PCDHGA11: variants seen among roughly 807,000 people sequenced by gnomAD.
The protein encoded by PCDHGA11 is protocadherin gamma-A11.
PCDHGA11 carries 39 observed loss-of-function variants against 60.4 expected under a neutral mutation model. The ratio of observed to expected loss-of-function variants is 0.65; its 90% CI spans 0.50 to 0.84. The LOEUF is 0.84. PCDHGA11 is among the 40% of genes least tolerant of loss of function. PCDHGA11 has a pLI of 0.00. For missense variants in PCDHGA11, 1,165 were observed against 1,197.7 expected (o/e 0.97, Z 0.40); for synonymous variants, 533 against 510.3 (o/e 1.04, Z -0.60).
At chr5:141,451,315 T>A (rs2154563546) in intron 1 of PCDHGA11, among the ~76,000 whole-genome samples, 1 of 152,330 alleles carries the variant, frequency 6.6e-6, no homozygotes, top group South Asian at 2.1e-4. Context: ...GCAATTAAAG[T>A]GTCACCTAAG....
Position 141,423,666 on chromosome 5 carries a change from AT to A in PCDHGA11, c.2433+9del, listed in dbSNP as rs1184681047. 2.7e-6 allele frequency: 4 copies of A among 1,494,382 alleles called. No individual in the cohort carries two copies. The South Asian group carries it at 5.0e-5, about 19-fold the overall frequency. The allele number at this position is 1,494,382 out of a possible 1,614,324, so 92.6% of individuals were successfully genotyped here. A position where few individuals can be genotyped will look rare whatever the true frequency, so the allele number is the denominator to read the frequency against. ...GTGACCCGACAAGTAATCAGGTGAGATTTATTTCTCTGCCTCCTAATTGTTG... is the reference window on the plus strand; with the variant it reads ...GTGACCCGACAAGTAATCAGGTGAGATTATTTCTCTGCCTCCTAATTGTTG... On this transcript the variant is annotated splice_region_variant and intron_variant, in intron 1 of 3. Coordinates refer to ENST00000398587, the MANE Select transcript of PCDHGA11 (RefSeq NM_018914.3).
rs562011010 is a variant in PCDHGA11, at chr5:141,427,600, G to A, written c.2433+3940G>A. On this transcript the variant is annotated intron_variant, in intron 1 of 3. Coordinates refer to ENST00000398587, the MANE Select transcript of PCDHGA11 (RefSeq NM_018914.3). ...TCATCCAGCACAAGCCTCACCCTAC[G>A]CATTGGTGAAGTCAACGACAATGCT... The A allele has an allele frequency of 6.7e-5, 46 of 683,296 alleles. 1 individual carries two copies. The East Asian group carries it at 1.2e-3, about 18-fold the overall frequency. 42.3% of individuals were successfully genotyped at this position (683,296 alleles called of 1,614,324 possible). A position where few individuals can be genotyped will look rare whatever the true frequency, so the allele number is the denominator to read the frequency against.
At chr5:141,482,089 CAA>C (rs36035257) in intron 1 of PCDHGA11, among the ~76,000 whole-genome samples, 9,071 of 134,384 alleles carry the variant, frequency 0.068, 318 homozygotes, top group South Asian at 0.13. Context: ...CACTCCATCT[CAA>C]AAAAAAAAAA....
chr5:141,485,827 G>A lies in PCDHGA11; in HGVS notation c.2434-8980G>A. 1 of 1,614,154 alleles carries A rather than the reference G, an allele frequency of 6.2e-7. No individual in the cohort carries two copies. The highest frequency in any genetic ancestry group is 1.1e-5 in the South Asian group (1 of 91,080). On this transcript the variant is annotated intron_variant, in intron 1 of 3. Coordinates refer to ENST00000398587, the MANE Select transcript of PCDHGA11 (RefSeq NM_018914.3). The surrounding 1 kb of genome is among the most constrained non-coding windows in gnomAD (Gnocchi z 5.7). Reference sequence around the variant, plus strand: ...TGGTGCTGACTGCTGTCGATGGAGGGAACCCGCCGAGATCTGGCACCGCAG... The same window carrying A: ...TGGTGCTGACTGCTGTCGATGGAGGAAACCCGCCGAGATCTGGCACCGCAG...
chr5:141,430,805 C>T (rs1445689047), intron 1 of PCDHGA11: 2 of 1,525,722 alleles, frequency 1.3e-6, no homozygotes, highest in Admixed American at 2.3e-5. Flanking sequence ...GCTTGTCCTG[C>T]TGGGAATCCT....
In PCDHGA11 at chr5:141,487,680, A is replaced by G; in HGVS notation, c.2434-7127A>G. On this transcript the variant is annotated intron_variant, in intron 1 of 3. Coordinates refer to ENST00000398587, the MANE Select transcript of PCDHGA11 (RefSeq NM_018914.3). This position sits in a 1 kb window ranked among gnomAD's most constrained non-coding sequence, Gnocchi z 5.0. ...TCTGATCCAGGCATATGGCTAGGCC[A>G]TGTCCTAGAGAGTACTGGCCTCTCA... 6.2e-7 allele frequency: 1 copy of G among 1,609,370 alleles called. No individual in the cohort carries two copies. The highest frequency in any genetic ancestry group is 2.2e-5 in the East Asian group (1 of 44,826).
In PCDHGA11 at chr5:141,491,762, C is replaced by T. The variant is rs1162878124; in HGVS notation, c.2434-3045C>T. The T allele has an allele frequency of 6.4e-7, 1 of 1,572,596 alleles. No homozygotes were observed. The highest frequency in any genetic ancestry group is 1.4e-5 in the African/African-American group (1 of 73,308). ...GGCGGCACTGGAGAAGCCGCCCGTC[C>T]TCATAAGGGATTGAACTTGCATCCA... On this transcript the variant is annotated intron_variant, in intron 1 of 3. Transcript: ENST00000398587. The surrounding 1 kb of genome is among the most constrained non-coding windows in gnomAD (Gnocchi z 6.9).
chr5:141,491,723 G>C lies in PCDHGA11; in HGVS notation c.2434-3084G>C. The C allele has an allele frequency of 1.2e-6, 2 of 1,606,770 alleles. No homozygotes were observed. The highest frequency in any genetic ancestry group is 1.7e-6 in the Non-Finnish European group (2 of 1,177,028). On this transcript the variant is annotated intron_variant, in intron 1 of 3. Transcript: ENST00000398587. The surrounding 1 kb of genome is among the most constrained non-coding windows in gnomAD (Gnocchi z 6.9). The stretch of plus-strand genomic sequence containing the variant: ...CAGGTGAGGGGCTCGGCGCCGCCCC[G>C]GGCGACCCCTGGGGGCGGCACTGGA...
Position 141,477,917 on chromosome 5 carries a change from G to C in PCDHGA11, c.2434-16890G>C. 6.2e-7 allele frequency: 1 copy of C among 1,614,186 alleles called. No individual in the cohort carries two copies. The highest frequency in any genetic ancestry group is 2.2e-5 in the East Asian group (1 of 44,868). On this transcript the variant is annotated intron_variant, in intron 1 of 3. Transcript: ENST00000398587. The surrounding 1 kb of genome is among the most constrained non-coding windows in gnomAD (Gnocchi z 4.9). ...GGTGGTAGGCTGGGACGCGGATGCA[G>C]GGCACAATGCCTGGCTCTCCTACAG...
At chr5:141,461,131 T>G (rs1372557827) in intron 1 of PCDHGA11, among the ~76,000 whole-genome samples, 1 of 152,094 alleles carries the variant, frequency 6.6e-6, no homozygotes, top group Non-Finnish European at 1.5e-5. Flanking sequence ...TATAATTACT[T>G]ATTTTCCTTT....
In PCDHGA11 at chr5:141,487,761, C is replaced by T. The variant is rs1331182183; in HGVS notation, c.2434-7046C>T. Reference sequence around the variant, plus strand: ...GTAAGAGGTAACTATGTGGTAGACGCTGTGCTTTGTAACTGTTTCGTGAAT... The same window carrying T: ...GTAAGAGGTAACTATGTGGTAGACGTTGTGCTTTGTAACTGTTTCGTGAAT... On this transcript the variant is annotated intron_variant, in intron 1 of 3. Coordinates refer to ENST00000398587, the MANE Select transcript of PCDHGA11 (RefSeq NM_018914.3). The surrounding 1 kb of genome is among the most constrained non-coding windows in gnomAD (Gnocchi z 5.0). 3.2e-6 allele frequency: 5 copies of T among 1,545,926 alleles called. No individual in the cohort carries two copies. Among genetic ancestry groups the T allele is most frequent in the South Asian group, 1.2e-5 (1 of 83,534 alleles).
chr5:141,468,801 A>G (rs949203275), intron 1 of PCDHGA11, among the ~76,000 whole-genome samples: 15 of 151,736 alleles, frequency 9.9e-5, no homozygotes, highest in South Asian at 2.1e-4. Context: ...GGGAGGCGGA[A>G]CTTGCAGTGA....
Position 141,487,463 on chromosome 5 carries a change from G to T in PCDHGA11, c.2434-7344G>T, listed in dbSNP as rs754798527. 1 of 1,614,136 alleles carries T rather than the reference G, an allele frequency of 6.2e-7. No homozygotes were observed. The highest frequency in any genetic ancestry group is 1.7e-5 in the Admixed American group (1 of 60,016). ...GTCAGATGACCCTATCAAGTTTGTT[G>T]ATGTGGGAGGCCACTCTCATGGCTG... On this transcript the variant is annotated intron_variant, in intron 1 of 3. Coordinates refer to ENST00000398587, the MANE Select transcript of PCDHGA11 (RefSeq NM_018914.3). The surrounding 1 kb of genome is among the most constrained non-coding windows in gnomAD (Gnocchi z 5.0).
At position 141,432,069 on chromosome 5, in the gene PCDHGA11, A is replaced by G. The variant is rs572724741; in HGVS notation, c.2433+8409A>G. On this transcript the variant is annotated intron_variant, in intron 1 of 3. Transcript: ENST00000398587. The surrounding 1 kb of genome is among the most constrained non-coding windows in gnomAD (Gnocchi z 6.0). ...ACCCCGCCCCTATCCACGGAAACTC[A>G]TATCTCGCTGAACGTGGCAGACACC... 646 of 1,614,168 alleles carry G rather than the reference A, an allele frequency of 4.0e-4. 5 individuals are homozygous for G. In the South Asian group the frequency reaches 6.9e-3, roughly 17 times the overall value.
chr5:141,424,956 T>C (rs1435882776), intron 1 of PCDHGA11, among the ~76,000 whole-genome samples: 3 of 152,176 alleles, frequency 2.0e-5, no homozygotes, highest in African/African-American at 7.2e-5. Context: ...TTCTAGGTAT[T>C]TGCCCCAAAT....
At position 141,422,716 on chromosome 5, in the gene PCDHGA11, G is replaced by A. The variant is rs1348237465; in HGVS notation, c.1489G>A (p.Val497Ile). 1 of 1,604,378 alleles carries A rather than the reference G, an allele frequency of 6.2e-7. No individual in the cohort carries two copies. Among genetic ancestry groups the A allele is most frequent in the Non-Finnish European group, 8.5e-7 (1 of 1,174,776 alleles). Residue 497 changes from valine (V) to isoleucine (I), a missense_variant, in exon 1 of 4, where the codon GTC (valine) becomes ATC (isoleucine). Physicochemically the swap from Val to Ile is conservative, Grantham distance 29 (BLOSUM62 3). Coordinates refer to ENST00000398587, the MANE Select transcript of PCDHGA11 (RefSeq NM_018914.3). Reference sequence around the variant, plus strand: ...CACTTACTCTCTGACGGATGACACTGTCCAGGGGGTGCCTCTGTCCTCCTA... The same window carrying A: ...CACTTACTCTCTGACGGATGACACTATCCAGGGGGTGCCTCTGTCCTCCTA... ...LVTYSLTDDT[V>I]QGVPLSSYVS...
In PCDHGA11 at chr5:141,489,948, T is replaced by C; in HGVS notation, c.2434-4859T>C. 2 of 1,614,210 alleles carry C rather than the reference T, an allele frequency of 1.2e-6. No individual in the cohort carries two copies. Among genetic ancestry groups the C allele is most frequent in the Non-Finnish European group, 1.7e-6 (2 of 1,180,030 alleles). On this transcript the variant is annotated intron_variant, in intron 1 of 3. Coordinates refer to ENST00000398587, the MANE Select transcript of PCDHGA11 (RefSeq NM_018914.3). The surrounding 1 kb of genome is among the most constrained non-coding windows in gnomAD (Gnocchi z 4.5). ...TCTCTGTCATCGTGCTGGACATCAA[T>C]GATAATGCTCCAACCTTCCAATCCT...
rs1264688160 is a variant in PCDHGA11, at chr5:141,493,193, G to A, written c.2434-1614G>A. 6.6e-6 allele frequency among the ~76,000 whole-genome samples: 1 copy of A among 152,128 alleles called. No individual in the cohort carries two copies. On this transcript the variant is annotated intron_variant, in intron 1 of 3. Transcript: ENST00000398587. This position sits in a 1 kb window ranked among gnomAD's most constrained non-coding sequence, Gnocchi z 4.3. ...GAGAAACTTACTATATAACTCCTTT[G>A]AGAACCTCATCTCATTTGCTCTTCC...
intron 1 of PCDHGA11, among the ~76,000 whole-genome samples, chr5:141,433,408 A>ATCTATCTATCTATCT (rs1413347413): frequency 7.9e-6 from 1 of 127,280 alleles, no homozygotes; most frequent in African/African-American, 2.9e-5. Flanking sequence ...TCTATCTATT[A>ATCTATCTATCTATCT]CTTTCTTGTA....
Sources: gnomAD v4.1 joint callset for allele counts (sites outside exome capture counted in the v4.1 genomes callset) on GRCh38, gnomAD v4.1.1 for gene constraint, Gnocchi (gnomAD v3.1) non-coding constraint, MANE v1.5 for transcripts, NCBI Gene and HGNC (gene_info 2026-07-23, HGNC 2026-07-21) for gene names.